Variants in TCF4 observed in about 807,000 individuals in gnomAD.
The protein encoded by TCF4 is transcription factor 4.
Under a neutral mutation model 82.1 loss-of-function variants are expected in TCF4, and 3 were observed. The observed-to-expected ratio is 0.04, with a 90% CI of 0.02 to 0.09. TCF4 has a LOEUF of 0.09. Ranked by LOEUF, TCF4 falls within the 10% of genes least tolerant of loss-of-function variation. TCF4 has a pLI of 1.00. For synonymous variants in TCF4, 276 were observed against 309.6 expected, an observed-to-expected ratio of 0.89 and a Z score of 1.14; for missense variants, 518 against 852.7, an observed-to-expected ratio of 0.61 and a Z score of 4.89.
At chr18:55,479,986 TAGCATTTCCTCCCTCTG>T (rs1437681600) in intron 3 of TCF4, among the ~76,000 whole-genome samples, 5 of 152,170 alleles carry the variant, frequency 3.3e-5, no homozygotes, top group Non-Finnish European at 5.9e-5. Flanking sequence ...TTTCCCCTCT[TAGCATTTCCTCCCTCTG>T]AGCACCAAAT....
chr18:55,414,884 G>GT (rs2094473341), intron 5 of TCF4, among the ~76,000 whole-genome samples: 1 of 152,142 alleles, frequency 6.6e-6, no homozygotes, highest in Non-Finnish European at 1.5e-5. Flanking sequence ...GCTTAATTTG[G>GT]TTTGCAAGGA....
chr18:55,401,431 G>C, intron 6 of TCF4: 1 of 1,064,380 alleles, frequency 9.4e-7, no homozygotes, highest in Non-Finnish European at 1.1e-6. Context: ...GGCTTTTTAA[G>C]AAAAGCATAT....
intron 6 of TCF4, among the ~76,000 whole-genome samples, chr18:55,357,983 G>T (rs1336222065): frequency 6.6e-6 from 1 of 152,192 alleles, no homozygotes; most frequent in East Asian, 1.9e-4. Context: ...AATTATTTAA[G>T]TCCTGACATT....
At chr18:55,295,334 G>A (rs765326791) in intron 8 of TCF4, among the ~76,000 whole-genome samples, 8 of 152,082 alleles carry the variant, frequency 5.3e-5, no homozygotes, top group South Asian at 2.1e-4. Context: ...CTCATTTTCC[G>A]GTGATGAGGA....
At chr18:55,261,583 C>T (rs1485463540) in intron 11 of TCF4, 50 bp from the exon 12 acceptor site, 1 of 1,598,014 alleles carries the variant, frequency 6.3e-7, no homozygotes, top group Non-Finnish European at 8.6e-7. Context: ...AGACGTCTAA[C>T]AATTTTCTAT....
At chr18:55,501,436 G>A (rs540665306) in intron 3 of TCF4, among the ~76,000 whole-genome samples, 1 of 151,984 alleles carries the variant, frequency 6.6e-6, no homozygotes, top group Non-Finnish European at 1.5e-5. Flanking sequence ...ATGGCTTTTT[G>A]ACATCTCAAA....
At chr18:55,246,134 A>G (rs561870153) in intron 15 of TCF4, among the ~76,000 whole-genome samples, 317 of 152,248 alleles carry the variant, frequency 2.1e-3, no homozygotes, top group Non-Finnish European at 4.0e-3. Flanking sequence ...TCACTGTGCT[A>G]TTAAATGTGT....
intron 3 of TCF4, among the ~76,000 whole-genome samples, chr18:55,561,367 T>C (rs954662519): frequency 1.3e-5 from 2 of 152,236 alleles, no homozygotes; most frequent in African/African-American, 2.4e-5. Flanking sequence ...TTCTCATTTT[T>C]TCTATCTCAA....
At chr18:55,252,175 G>A (rs576595742) in intron 15 of TCF4, among the ~76,000 whole-genome samples, 138 of 152,180 alleles carry the variant, frequency 9.1e-4, no homozygotes, top group African/African-American at 3.1e-3. Flanking sequence ...TTTTCAGGAA[G>A]AAAGGAGAGA....
intron 3 of TCF4, among the ~76,000 whole-genome samples, chr18:55,577,070 T>C (rs981593820): frequency 1.4e-5 from 2 of 146,372 alleles, no homozygotes; most frequent in African/African-American, 2.5e-5. Context: ...AGGTACTAAA[T>C]ATATATATAT....
At chr18:55,590,160 AC>A (rs2097682247), upstream of TCF4, among the ~76,000 whole-genome samples, 1 of 152,106 alleles carries the variant, frequency 6.6e-6, no homozygotes, top group South Asian at 2.1e-4. Flanking sequence ...GAAGTGAGAT[AC>A]CCCCAGGTCT....
chr18:55,485,348 G>A (rs2096498389), intron 3 of TCF4, among the ~76,000 whole-genome samples: 2 of 152,154 alleles, frequency 1.3e-5, no homozygotes, highest in South Asian at 2.1e-4. Flanking sequence ...CAGCACCCCA[G>A]TAGGTTTATG....
At chr18:55,502,831 AT>A (rs1341332209) in intron 3 of TCF4, among the ~76,000 whole-genome samples, 3 of 152,206 alleles carry the variant, frequency 2.0e-5, no homozygotes, top group Admixed American at 1.3e-4. Context: ...AGACAGGAAA[AT>A]TTCACAGCAT....
At chr18:55,375,566 A>T (rs2090524636) in intron 6 of TCF4, among the ~76,000 whole-genome samples, 1 of 152,222 alleles carries the variant, frequency 6.6e-6, no homozygotes, top group South Asian at 2.1e-4. Flanking sequence ...AAAATATAAC[A>T]GAAAGACACT....
At chr18:55,461,241 C>T in intron 4 of TCF4, 126 bp from the exon 5 acceptor site, 16 of 744,382 alleles carry the variant, frequency 2.1e-5, no homozygotes, top group Non-Finnish European at 3.4e-5. Context: ...CTCCCTGGAA[C>T]TTCACTAGAA....
chr18:55,402,495 GA>G (rs970205582), intron 6 of TCF4, among the ~76,000 whole-genome samples: 38 of 142,498 alleles, frequency 2.7e-4, no homozygotes, highest in African/African-American at 3.8e-4. Flanking sequence ...TCCAGCATTT[GA>G]AAAAAAAAAA....
At chr18:55,497,015 A>ATCAAGCGTGTAGACCGCC (rs2145932096) in intron 3 of TCF4, among the ~76,000 whole-genome samples, 1 of 152,308 alleles carries the variant, frequency 6.6e-6, no homozygotes, top group Non-Finnish European at 1.5e-5. Flanking sequence ...GCAAAAAAAC[A>ATCAAGCGTGTAGACCGCC]TCGTTCTTTC....
chr18:55,410,287 C>T (rs917316473), intron 5 of TCF4, among the ~76,000 whole-genome samples: 9 of 152,096 alleles, frequency 5.9e-5, no homozygotes, highest in African/African-American at 2.2e-4. Context: ...GGAGTTTTGG[C>T]TGCATTTCAT....
intron 5 of TCF4, among the ~76,000 whole-genome samples, chr18:55,425,226 G>T (rs1335130678): frequency 6.6e-6 from 1 of 152,206 alleles, no homozygotes; most frequent in African/African-American, 2.4e-5. Flanking sequence ...TACAGGCAAA[G>T]GCAATTTTAC....
Sources: allele counts gnomAD v4.1 joint callset (sites outside exome capture counted in the v4.1 genomes callset), GRCh38; gene constraint gnomAD v4.1.1; transcripts MANE v1.5; gene names NCBI Gene and HGNC (gene_info 2026-07-23, HGNC 2026-07-21).